OTOGL: variants seen among roughly 807,000 people sequenced by gnomAD.
The protein encoded by OTOGL is otogelin-like protein.
A neutral mutation model predicts 318.5 loss-of-function variants in OTOGL; 285 were observed. The observed-to-expected ratio is 0.89, with a 90% CI of 0.81 to 0.99. The LOEUF (loss-of-function observed/expected upper bound fraction) is 0.99, where lower values mean the gene tolerates loss of function less well. OTOGL is among the 50% of genes least tolerant of loss of function. The pLI is 0.00. For synonymous variants in OTOGL, 987 were observed against 936.5 expected, an observed-to-expected ratio of 1.05 and a Z score of -0.99; for missense variants, 2,899 against 2,845.6, an observed-to-expected ratio of 1.02 and a Z score of -0.43.
Position 80,307,135 on chromosome 12 carries a change from G to T in OTOGL, c.3333+1440G>T, listed in dbSNP as rs1275625059. Among the ~76,000 whole-genome samples, 3 of 150,902 alleles carry T rather than the reference G, an allele frequency of 2.0e-5. No individual in the cohort carries two copies. The East Asian group carries it at 5.8e-4, about 29-fold the overall frequency. ...GCACAGGGTTGGGGGTAAGGTCACC[G>T]ATCAACAGGATCCCAAGGCAGAAGA... On this transcript the variant is annotated intron_variant, in intron 29 of 58. Transcript: ENST00000547103.
At chr12:80,358,494 C>A in intron 50 of OTOGL, 145 bp downstream of exon 50, 1 of 832,594 alleles carries the variant, frequency 1.2e-6, no homozygotes, top group Non-Finnish European at 1.9e-6. Flanking sequence ...CTTTTTGTAC[C>A]TGTTTATATG....
Position 80,266,472 on chromosome 12 carries a change from T to G in OTOGL, c.2246T>G (p.Met749Arg), listed in dbSNP as rs758919295. The G allele has an allele frequency of 3.1e-6, 5 of 1,613,584 alleles. No homozygotes were observed. In the South Asian group the frequency reaches 4.4e-5, roughly 14 times the overall value. The part of the protein sequence containing the change: ...SFCAVVCQKG[M>R]LYHHCSSFCL... ...TTAGCTGTGGTGTGCCAGAAGGGCATGCTGTACCATCACTGTTCCTCGTTC... is the reference window on the plus strand; with the variant it reads ...TTAGCTGTGGTGTGCCAGAAGGGCAGGCTGTACCATCACTGTTCCTCGTTC... Residue 749 changes from methionine (M) to arginine (R), a missense_variant, in exon 21 of 59, where the codon ATG becomes AGG. Coordinates refer to ENST00000547103, the MANE Select transcript of OTOGL (RefSeq NM_001378609.3).
chr12:80,324,293 T>C (rs1401539284), intron 35 of OTOGL, among the ~76,000 whole-genome samples: 1 of 152,182 alleles, frequency 6.6e-6, no homozygotes, highest in Non-Finnish European at 1.5e-5. Flanking sequence ...GATCTAAATG[T>C]AGTGAAGGCA....
chr12:80,248,533 C>T (rs375980287), intron 11 of OTOGL, among the ~76,000 whole-genome samples: 2,229 of 121,680 alleles, frequency 0.018, 54 homozygotes, highest in African/African-American at 0.073. Context: ...CCGAGAGATC[C>T]GCTGTTAGTC....
intron 1 of OTOGL, among the ~76,000 whole-genome samples, chr12:80,101,775 C>G (rs1869154077): frequency 6.6e-6 from 1 of 152,032 alleles, no homozygotes; most frequent in South Asian, 2.1e-4. Flanking sequence ...ATAAGAGAAA[C>G]TTGAGATTGG....
At chr12:80,108,902 A>ATG (rs1160884260) in intron 1 of OTOGL, among the ~76,000 whole-genome samples, 6 of 129,614 alleles carry the variant, frequency 4.6e-5, no homozygotes, top group Admixed American at 8.1e-5. Flanking sequence ...GTGTATATAT[A>ATG]TGTGTATATA....
intron 52 of OTOGL, among the ~76,000 whole-genome samples, chr12:80,362,821 C>G (rs924456911): frequency 1.1e-4 from 16 of 151,912 alleles, no homozygotes; most frequent in African/African-American, 3.1e-4. Flanking sequence ...AGTAAATTCA[C>G]AAAGCTATGA....
intron 1 of OTOGL, among the ~76,000 whole-genome samples, chr12:80,186,332 G>T (rs919518010): frequency 1.3e-5 from 2 of 152,078 alleles, no homozygotes; most frequent in East Asian, 3.9e-4. Flanking sequence ...ACTTAGCCGC[G>T]TCTCTCCCAT....
Position 80,231,164 on chromosome 12 carries a change from A to T in OTOGL, c.612-1728A>T, listed in dbSNP as rs113363056. ...TTACTCTGAAATATATTTATAAACAAGATTCACTTCTTTTAAGTATAGTTT... is the reference window on the plus strand; with the variant it reads ...TTACTCTGAAATATATTTATAAACATGATTCACTTCTTTTAAGTATAGTTT... On this transcript the variant is annotated intron_variant, in intron 8 of 58. Coordinates refer to ENST00000547103, the MANE Select transcript of OTOGL (RefSeq NM_001378609.3). Among the ~76,000 whole-genome samples, 1,057 of 152,334 alleles carry T rather than the reference A, an allele frequency of 6.9e-3. 17 individuals carry two copies. The highest frequency in any genetic ancestry group is 0.024 in the African/African-American group (1,009 of 41,584).
At chr12:80,348,868 C>G (rs916812713) in intron 44 of OTOGL, among the ~76,000 whole-genome samples, 5 of 151,998 alleles carry the variant, frequency 3.3e-5, no homozygotes, top group African/African-American at 1.2e-4. Flanking sequence ...TCTTTCAATC[C>G]TTTTTAGCAT....
chr12:80,345,156 A>G, intron 44 of OTOGL, among the ~76,000 whole-genome samples: 1 of 132,778 alleles, frequency 7.5e-6, no homozygotes, highest in Admixed American at 8.3e-5. Flanking sequence ...ATGTTATATT[A>G]TATATTATGA....
intron 1 of OTOGL, among the ~76,000 whole-genome samples, chr12:80,114,851 T>C (rs1870065656): frequency 6.6e-6 from 1 of 151,908 alleles, no homozygotes; most frequent in Admixed American, 6.6e-5. Context: ...CTTTACACTT[T>C]ATTTCATTAA....
At chr12:80,101,691 A>T (rs754575186) in intron 1 of OTOGL, among the ~76,000 whole-genome samples, 4 of 152,166 alleles carry the variant, frequency 2.6e-5, no homozygotes, top group Non-Finnish European at 5.9e-5. Context: ...TTTTTAAAAA[A>T]ATCCTCATTT....
Position 80,368,207 on chromosome 12 carries a change from C to G in OTOGL, c.6513C>G (p.His2171Gln). 1 of 1,587,006 alleles carries G rather than the reference C, an allele frequency of 6.3e-7. No homozygotes were observed. Residue 2171 changes from histidine to glutamine, a missense_variant and splice_region_variant, in exon 55 of 59, where the codon CAC becomes CAG. His to Gln is a conservative substitution (Grantham distance 24). Coordinates refer to ENST00000547103, the MANE Select transcript of OTOGL (RefSeq NM_001378609.3). ...TAATCTAATATCATTATATGCAGCA[C>G]CAGGTATATACTCCATCCCCAAGTG... is the stretch of plus-strand genomic sequence containing the variant. ...LVNCSKKCDVHQVYTPSPSDY... is the reference protein window; with the variant it reads ...LVNCSKKCDVQQVYTPSPSDY...
chr12:80,329,204 C>A, intron 37 of OTOGL, 85 bp downstream of exon 37: 1 of 1,064,944 alleles, frequency 9.4e-7, no homozygotes, highest in Non-Finnish European at 1.3e-6. Flanking sequence ...GTTACTATAG[C>A]TGCTATCATT....
intron 52 of OTOGL, among the ~76,000 whole-genome samples, chr12:80,365,550 C>A (rs150352571): frequency 6.0e-4 from 91 of 152,166 alleles, no homozygotes; most frequent in African/African-American, 2.2e-3. Flanking sequence ...TAGTGTAAGC[C>A]TAATGCCATC....
intron 1 of OTOGL, among the ~76,000 whole-genome samples, chr12:80,156,513 A>G (rs554050517): frequency 6.6e-6 from 1 of 152,308 alleles, no homozygotes; most frequent in East Asian, 1.9e-4. Context: ...TGCGTCCCCC[A>G]TACAGGTCTC....
chr12:80,135,507 A>G (rs747756426), intron 1 of OTOGL, among the ~76,000 whole-genome samples: 13 of 152,048 alleles, frequency 8.5e-5, no homozygotes, highest in Non-Finnish European at 1.6e-4. Context: ...TCCTGCCCTC[A>G]GGTGATCTGC....
intron 24 of OTOGL, among the ~76,000 whole-genome samples, chr12:80,276,032 C>T (rs980992777): frequency 6.6e-6 from 1 of 151,692 alleles, no homozygotes; most frequent in Non-Finnish European, 1.5e-5. Flanking sequence ...TTAACAATAT[C>T]TCTGAAATAC....
Sources: allele counts gnomAD v4.1 joint callset (sites outside exome capture counted in the v4.1 genomes callset), GRCh38; gene constraint gnomAD v4.1.1; transcripts MANE v1.5; gene names NCBI Gene and HGNC (gene_info 2026-07-23, HGNC 2026-07-21).